Variants in GNG12 observed in about 807,000 individuals in gnomAD.
GNG12 encodes the protein G protein subunit gamma 12.
For missense variants in GNG12, 69 were observed against 83.8 expected (o/e 0.82, Z 0.69); for synonymous variants, 28 against 29.7 (o/e 0.94, Z 0.19).
intron 2 of GNG12, among the ~76,000 whole-genome samples, chr1:67,769,832 A>T (rs985475992): frequency 7.1e-6 from 1 of 141,540 alleles, no homozygotes. Flanking sequence ...TCACACTCAC[A>T]CTCACTCTCA....
chr1:67,821,771 C>CTT (rs78355593), intron 1 of GNG12, among the ~76,000 whole-genome samples: 29 of 148,848 alleles, frequency 1.9e-4, no homozygotes, highest in East Asian at 9.8e-4. Flanking sequence ...TAATCAGCAG[C>CTT]TTTTTTTTTT....
At chr1:67,793,894 T>A (rs975491938) in intron 1 of GNG12, among the ~76,000 whole-genome samples, 1 of 152,254 alleles carries the variant, frequency 6.6e-6, no homozygotes, top group Non-Finnish European at 1.5e-5. Flanking sequence ...TTAGTCACTG[T>A]TGCAGCTTTT....
In GNG12 at chr1:67,705,710, T is replaced by C. The variant is rs1249584657; in HGVS notation, c.94-134A>G. Reference sequence around the variant, plus strand: ...TAATCAGAGTCTCAAAGCATCACTCTCAGATTCTTGTCAGGTATAAAAAGG... The same window carrying C: ...TAATCAGAGTCTCAAAGCATCACTCCCAGATTCTTGTCAGGTATAAAAAGG... On this transcript the variant is annotated intron_variant, in intron 3 of 3. Transcript: ENST00000370982. 2.2e-6 allele frequency: 3 copies of C among 1,372,068 alleles called. No individual in the cohort carries two copies. In the African/African-American group the frequency reaches 4.4e-5, roughly 20 times the overall value. 85.0% of individuals were successfully genotyped at this position (1,372,068 alleles called of 1,614,324 possible). A position where few individuals can be genotyped will look rare whatever the true frequency, so the allele number is the denominator to read the frequency against.
intron 2 of GNG12, among the ~76,000 whole-genome samples, chr1:67,736,580 A>G (rs1453600500): frequency 6.6e-6 from 1 of 152,162 alleles, no homozygotes; most frequent in African/African-American, 2.4e-5. Flanking sequence ...CTCTCAGTGG[A>G]ACATACTTGT....
rs1646499608 is a variant in GNG12, at chr1:67,744,783, A to C, written c.-27+32675T>G. 2.0e-5 allele frequency among the ~76,000 whole-genome samples: 3 copies of C among 152,178 alleles called. No individual in the cohort carries two copies. The South Asian group carries it at 6.2e-4, about 32-fold the overall frequency. ...GCTTTGGTCATCTGCACCAAATTAT[A>C]CACTTAGCAAGGGGTAGATCCGGCA... On this transcript the variant is annotated intron_variant, in intron 2 of 3. Coordinates refer to ENST00000370982, the MANE Select transcript of GNG12 (RefSeq NM_018841.6).
At position 67,704,881 on chromosome 1, in the gene GNG12, A is replaced by C. The variant is rs776926327; in HGVS notation, c.*570T>G. ...AAGGAATTTTTTATTCTACCTATAC[A>C]CAGCTCAAAATAAAGGTATAACTTC... On this transcript the variant is annotated 3_prime_UTR_variant, in exon 4 of 4. Coordinates refer to ENST00000370982, the MANE Select transcript of GNG12 (RefSeq NM_018841.6). 3.3e-5 allele frequency: 5 copies of C among 152,272 alleles called. No individual in the cohort carries two copies. The highest frequency in any genetic ancestry group is 6.5e-5 in the Admixed American group (1 of 15,278). The allele number at this position is 152,272 out of a possible 1,614,324, so 9.4% of individuals were successfully genotyped here.
chr1:67,806,023 G>T (rs1646893071), intron 1 of GNG12, among the ~76,000 whole-genome samples: 1 of 151,534 alleles, frequency 6.6e-6, no homozygotes, highest in African/African-American at 2.4e-5. Flanking sequence ...AACGAACCTA[G>T]AATTACATAC....
chr1:67,775,724 G>A (rs1465686790), intron 2 of GNG12, among the ~76,000 whole-genome samples: 2 of 152,214 alleles, frequency 1.3e-5, no homozygotes, highest in Non-Finnish European at 1.5e-5. Flanking sequence ...CTAAACAAGT[G>A]AAAAAGAGTG....
At chr1:67,830,154 C>T (rs557896295) in intron 1 of GNG12, among the ~76,000 whole-genome samples, 8 of 152,224 alleles carry the variant, frequency 5.3e-5, no homozygotes, top group Middle Eastern at 3.4e-3. Context: ...TTCAGGCATG[C>T]GCCATCACGC....
At chr1:67,794,461 G>T (rs1001112511) in intron 1 of GNG12, among the ~76,000 whole-genome samples, 1 of 152,130 alleles carries the variant, frequency 6.6e-6, no homozygotes, top group Non-Finnish European at 1.5e-5. Context: ...AACTGTGACG[G>T]CCACTTGCTG....
At chr1:67,784,147 A>T (rs1053148355) in intron 1 of GNG12, among the ~76,000 whole-genome samples, 6 of 151,038 alleles carry the variant, frequency 4.0e-5, no homozygotes, top group African/African-American at 1.5e-4. Context: ...TAAAAAATGA[A>T]GAGTTCATGT....
chr1:67,751,184 GAC>G (rs3835466), intron 2 of GNG12, among the ~76,000 whole-genome samples: 30,693 of 140,378 alleles, frequency 0.22, 3,343 homozygotes, highest in African/African-American at 0.3. Context: ...TACACATACA[GAC>G]ACACACACAC....
intron 2 of GNG12, among the ~76,000 whole-genome samples, chr1:67,753,032 T>A (rs1310392902): frequency 6.6e-6 from 1 of 152,228 alleles, no homozygotes; most frequent in Non-Finnish European, 1.5e-5. Context: ...CACTTTGTCA[T>A]ACTACAATGG....
At chr1:67,748,927 A>C (rs185328710) in intron 2 of GNG12, among the ~76,000 whole-genome samples, 2 of 152,212 alleles carry the variant, frequency 1.3e-5, no homozygotes, top group Admixed American at 6.5e-5. Context: ...TGAAGTCCAG[A>C]ATAGCCTCTC....
At chr1:67,755,444 G>A (rs1646562502) in intron 2 of GNG12, among the ~76,000 whole-genome samples, 1 of 152,182 alleles carries the variant, frequency 6.6e-6, no homozygotes, top group Non-Finnish European at 1.5e-5. Flanking sequence ...GGCAGCATTT[G>A]CATTTTGATA....
Position 67,776,766 on chromosome 1 carries a change from A to T in GNG12, c.-27+692T>A, listed in dbSNP as rs186171743. Among the ~76,000 whole-genome samples, 177 of 152,242 alleles carry T rather than the reference A, an allele frequency of 1.2e-3. 2 individuals are homozygous for T. Among genetic ancestry groups the T allele is most frequent in the African/African-American group, 4.1e-3 (171 of 41,550 alleles). ...AACCCACAGAATGGCAAGATAAATA[A>T]AGGATTGTTATTTTGAGCCAGTAAA... is the stretch of plus-strand genomic sequence containing the variant. On this transcript the variant is annotated intron_variant, in intron 2 of 3. Transcript: ENST00000370982.
chr1:67,724,182 G>A (rs924602219), intron 2 of GNG12, among the ~76,000 whole-genome samples: 6 of 152,126 alleles, frequency 3.9e-5, no homozygotes, highest in Admixed American at 3.9e-4. Context: ...TAGGGAGAGT[G>A]AAGATGTGCA....
intron 2 of GNG12, among the ~76,000 whole-genome samples, chr1:67,741,949 G>A (rs1646485076): frequency 6.6e-6 from 1 of 152,212 alleles, no homozygotes; most frequent in Non-Finnish European, 1.5e-5. Context: ...GGCCTCACCT[G>A]CTGCATTGCT....
At chr1:67,721,878 T>C (rs1479870149) in intron 2 of GNG12, among the ~76,000 whole-genome samples, 1 of 151,906 alleles carries the variant, frequency 6.6e-6, no homozygotes, top group Non-Finnish European at 1.5e-5. Flanking sequence ...TGCTCTCTGC[T>C]CCCCTGGCTG....
Sources: gnomAD v4.1 joint callset for allele counts (sites outside exome capture counted in the v4.1 genomes callset) on GRCh38, gnomAD v4.1.1 for gene constraint, MANE v1.5 for transcripts, NCBI Gene and HGNC (gene_info 2026-07-23, HGNC 2026-07-21) for gene names.